Variants in BRI3BP observed in about 807,000 individuals in gnomAD.
BRI3BP encodes BRI3 binding protein.
BRI3BP carries 7 observed loss-of-function variants against 15.8 expected under a neutral mutation model. The ratio of observed to expected loss-of-function variants is 0.44; its 90% CI spans 0.25 to 0.83. The LOEUF is 0.83. Ranked by LOEUF, BRI3BP falls within the 40% of genes least tolerant of loss-of-function variation. The pLI is 0.20. For synonymous variants in BRI3BP, 192 were observed against 163.5 expected (o/e 1.17, Z -1.33); for missense variants, 320 against 339.3 (o/e 0.94, Z 0.45).
At chr12:125,047,656 A>G in the BRI3BP span, among the ~76,000 whole-genome samples, 2 of 151,234 alleles carry the variant, frequency 1.3e-5, no homozygotes, top group African/African-American at 4.9e-5. Flanking sequence ...GATTACAGGC[A>G]TAAGCCACCA....
chr12:125,019,660 C>CTTTTTTTTTTTTTTTTTTTTTTTTTTTTT lies in BRI3BP; in HGVS notation c.317-5325_317-5324insTTTTTTTTTTTTTTTTTTTTTTTTTTTTT, dbSNP rs1955278838. 2.1e-3 allele frequency among the ~76,000 whole-genome samples: 51 copies of CTTTTTTTTTTTTTTTTTTTTTTTTTTTTT among 24,732 alleles called. 7 individuals carry two copies. The highest frequency in any genetic ancestry group is 2.8e-3 in the East Asian group (2 of 716). The allele number at this position is 24,732 out of a possible 152,430, so 16.2% of individuals were successfully genotyped here. On this transcript the variant is annotated intron_variant, in intron 2 of 2. Coordinates refer to ENST00000341446, the MANE Select transcript of BRI3BP (RefSeq NM_080626.6). ...CTTTTTTTTTTTTTTTTTTTTTTGC[C>CTTTTTTTTTTTTTTTTTTTTTTTTTTTTT]TTTTTTGCTGTGAGTACTTGAAAAT...
chr12:125,016,853 G>A (rs1348132092), intron 2 of BRI3BP, among the ~76,000 whole-genome samples: 3 of 22,150 alleles, frequency 1.4e-4, no homozygotes, highest in Non-Finnish European at 2.4e-4. Context: ...TTTTTTTTTT[G>A]AGACAGAGTC....
chr12:125,018,196 A>G (rs1955263867), intron 2 of BRI3BP, among the ~76,000 whole-genome samples: 1 of 152,176 alleles, frequency 6.6e-6, no homozygotes, highest in African/African-American at 2.4e-5. Flanking sequence ...ACAAGTGTGC[A>G]GGTGTAAACC....
the BRI3BP span, among the ~76,000 whole-genome samples, chr12:125,037,609 A>G: frequency 5.0e-4 from 75 of 150,610 alleles, 1 homozygote; most frequent in African/African-American, 1.7e-3. Flanking sequence ...CAGGAGTTTG[A>G]GACCAGCCTG....
chr12:125,037,420 A>G, the BRI3BP span, among the ~76,000 whole-genome samples: 7 of 152,350 alleles, frequency 4.6e-5, no homozygotes, highest in South Asian at 1.5e-3. Flanking sequence ...CAACCTGTGG[A>G]CACACTAATT....
intron 1 of BRI3BP, among the ~76,000 whole-genome samples, chr12:125,001,835 T>C (rs1955094529): frequency 6.6e-6 from 1 of 152,098 alleles, no homozygotes; most frequent in South Asian, 2.1e-4. Context: ...ACAGTCAGTT[T>C]TAGAACATTT....
intron 1 of BRI3BP, among the ~76,000 whole-genome samples, chr12:124,994,282 C>T (rs1955022210): frequency 6.6e-6 from 1 of 152,056 alleles, no homozygotes. Context: ...TCTCTCCCGG[C>T]TGCGCTGACG....
intron 2 of BRI3BP, among the ~76,000 whole-genome samples, chr12:125,017,854 T>C (rs2135996668): frequency 6.6e-6 from 1 of 152,310 alleles, no homozygotes; most frequent in South Asian, 2.1e-4. Flanking sequence ...GCAGGGGTTG[T>C]GTGGCTCCGG....
intron 2 of BRI3BP, among the ~76,000 whole-genome samples, chr12:125,022,140 C>T (rs1461263554): frequency 1.3e-5 from 2 of 150,434 alleles, no homozygotes; most frequent in African/African-American, 2.4e-5. Flanking sequence ...CCTACTGAAT[C>T]AGATGTCCTG....
downstream of BRI3BP, among the ~76,000 whole-genome samples, chr12:125,034,793 T>C (rs967432784): frequency 6.6e-6 from 1 of 152,112 alleles, no homozygotes; most frequent in South Asian, 2.1e-4. Flanking sequence ...TTTCACCATA[T>C]TGGCCAGACT....
intron 2 of BRI3BP, 69 bp downstream of exon 2, chr12:125,012,705 TACTC>T (rs1594532966): frequency 7.5e-6 from 9 of 1,204,700 alleles, no homozygotes; most frequent in Non-Finnish European, 1.1e-5. Context: ...GTGGAACTGG[TACTC>T]ACAGTGAGTA....
At chr12:125,049,213 C>G in the BRI3BP span, among the ~76,000 whole-genome samples, 1 of 151,994 alleles carries the variant, frequency 6.6e-6, no homozygotes, top group Non-Finnish European at 1.5e-5. Context: ...GCCACCGCGC[C>G]GGGCCAAGAG....
downstream of BRI3BP, among the ~76,000 whole-genome samples, chr12:125,033,185 C>A (rs901377914): frequency 7.9e-5 from 12 of 152,288 alleles, no homozygotes; most frequent in East Asian, 5.8e-4. Context: ...ACACAAACTT[C>A]CTTCCTTTGC....
At chr12:125,049,709 A>G in the BRI3BP span, among the ~76,000 whole-genome samples, 6 of 152,172 alleles carry the variant, frequency 3.9e-5, no homozygotes, top group Non-Finnish European at 7.3e-5. Context: ...TATGAACCGG[A>G]ACGCGTCGCG....
the BRI3BP span, among the ~76,000 whole-genome samples, chr12:125,050,266 C>T: frequency 6.6e-6 from 1 of 151,826 alleles, no homozygotes; most frequent in Non-Finnish European, 1.5e-5. Context: ...AGGAAAATCG[C>T]TTAAACCCGG....
chr12:125,038,749 G>C, the BRI3BP span, among the ~76,000 whole-genome samples: 1 of 148,886 alleles, frequency 6.7e-6, no homozygotes, highest in African/African-American at 2.5e-5. Context: ...TGGGTGACAA[G>C]AGCGAAACTT....
At chr12:125,049,878 T>G in the BRI3BP span, among the ~76,000 whole-genome samples, 2 of 139,702 alleles carry the variant, frequency 1.4e-5, no homozygotes, top group African/African-American at 2.6e-5. Context: ...GGGAGGGGAC[T>G]GGGAGGGGAT....
chr12:125,030,588 A>G lies in BRI3BP; in HGVS notation c.*5158A>G, dbSNP rs1333336379. 6.6e-6 allele frequency: 1 copy of G among 152,192 alleles called. No individual in the cohort carries two copies. The highest frequency in any genetic ancestry group is 1.5e-5 in the Non-Finnish European group (1 of 68,034). The allele number at this position is 152,192 out of a possible 1,614,324, so 9.4% of individuals were successfully genotyped here. On this transcript the variant is annotated 3_prime_UTR_variant, in exon 3 of 3. Coordinates refer to ENST00000341446, the MANE Select transcript of BRI3BP (RefSeq NM_080626.6). ...GTGGTGGCTTAAAACGCTGATTGCCATTTGCATTGTCTACTGAAAAGCTGT... is the reference window on the plus strand; with the variant it reads ...GTGGTGGCTTAAAACGCTGATTGCCGTTTGCATTGTCTACTGAAAAGCTGT...
chr12:125,008,299 C>CTTTTTTTT (rs55697100), intron 1 of BRI3BP, among the ~76,000 whole-genome samples: 78 of 99,906 alleles, frequency 7.8e-4, no homozygotes, highest in Middle Eastern at 7.2e-3. Flanking sequence ...CCTCTTCTTT[C>CTTTTTTTT]TTTTTTTTTT....
Sources: allele counts gnomAD v4.1 joint callset (sites outside exome capture counted in the v4.1 genomes callset), GRCh38; gene constraint gnomAD v4.1.1; transcripts MANE v1.5; gene names NCBI Gene and HGNC (gene_info 2026-07-23, HGNC 2026-07-21).